CLSTN2: variants seen among roughly 807,000 people sequenced by gnomAD.
The protein encoded by CLSTN2 is calsyntenin-2.
CLSTN2 carries 48 observed loss-of-function variants against 101.2 expected under a neutral mutation model. That is an observed-to-expected ratio of 0.47 (90% CI 0.38 to 0.60). The LOEUF (loss-of-function observed/expected upper bound fraction) is 0.60. CLSTN2 is among the 20% of genes least tolerant of loss of function. The probability of loss-of-function intolerance (pLI) is 0.00; values close to 1 mark genes in which losing one functional copy is unlikely to be tolerated. For missense variants in CLSTN2, 1,160 were observed against 1,238.2 expected (o/e 0.94, Z 0.95); for synonymous variants, 481 against 463.6 (o/e 1.04, Z -0.48).
At chr3:140,031,597 G>A (rs1413069214) in intron 1 of CLSTN2, among the ~76,000 whole-genome samples, 1 of 152,206 alleles carries the variant, frequency 6.6e-6, no homozygotes, top group East Asian at 1.9e-4. Flanking sequence ...ATACATCCTA[G>A]TTTTCTCCTT....
chr3:140,510,330 G>A (rs1307806750), intron 8 of CLSTN2, among the ~76,000 whole-genome samples: 2 of 152,168 alleles, frequency 1.3e-5, no homozygotes, highest in Non-Finnish European at 2.9e-5. Context: ...CACTGCTTAA[G>A]GGCAGTGGTG....
intron 9 of CLSTN2, among the ~76,000 whole-genome samples, chr3:140,539,417 A>C (rs180746204): frequency 6.6e-6 from 1 of 152,316 alleles, no homozygotes; most frequent in Admixed American, 6.5e-5. Flanking sequence ...AATCAAGTTT[A>C]AAGTTCAGTG....
chr3:140,246,114 A>AT (rs751995214), intron 2 of CLSTN2, among the ~76,000 whole-genome samples: 2 of 152,184 alleles, frequency 1.3e-5, no homozygotes, highest in African/African-American at 2.4e-5. Flanking sequence ...ACTTTAGCTT[A>AT]TTTATGAACC....
intron 2 of CLSTN2, among the ~76,000 whole-genome samples, chr3:140,308,789 A>G (rs1337930501): frequency 6.6e-6 from 1 of 152,230 alleles, no homozygotes; most frequent in Non-Finnish European, 1.5e-5. Context: ...TAAGTCATCC[A>G]GTATTCTGAG....
At chr3:140,414,784 A>G (rs1192822346) in intron 4 of CLSTN2, among the ~76,000 whole-genome samples, 1 of 152,118 alleles carries the variant, frequency 6.6e-6, no homozygotes, top group East Asian at 1.9e-4. Context: ...TGCAATCTCT[A>G]TCAAAATTAC....
intron 8 of CLSTN2, among the ~76,000 whole-genome samples, chr3:140,518,224 G>A (rs893674365): frequency 2.6e-5 from 4 of 152,204 alleles, no homozygotes; most frequent in Admixed American, 6.5e-5. Flanking sequence ...CTACCAGCCT[G>A]CCAGCTGAGA....
chr3:140,020,484 C>T (rs1170907305), intron 1 of CLSTN2, among the ~76,000 whole-genome samples: 2 of 152,208 alleles, frequency 1.3e-5, no homozygotes, highest in East Asian at 1.9e-4. Context: ...TCTTTCTACC[C>T]CTGCAACAGC....
chr3:140,206,458 C>T (rs2010783768), intron 2 of CLSTN2, among the ~76,000 whole-genome samples: 1 of 152,180 alleles, frequency 6.6e-6, no homozygotes, highest in Admixed American at 6.5e-5. Flanking sequence ...AATCACAGCC[C>T]CAGCCAGCAG....
chr3:139,963,809 T>A (rs1935550435), intron 1 of CLSTN2, among the ~76,000 whole-genome samples: 1 of 152,208 alleles, frequency 6.6e-6, no homozygotes, highest in South Asian at 2.1e-4. Flanking sequence ...CAGTATAGCT[T>A]GTTAGGGAGC....
chr3:140,321,486 GT>G (rs1457872511), intron 2 of CLSTN2, among the ~76,000 whole-genome samples: 1 of 152,166 alleles, frequency 6.6e-6, no homozygotes, highest in African/African-American at 2.4e-5. Context: ...ACACCCTCAG[GT>G]GTGGATTCAT....
intron 1 of CLSTN2, among the ~76,000 whole-genome samples, chr3:140,036,179 T>C (rs2007648844): frequency 6.6e-6 from 1 of 152,226 alleles, no homozygotes; most frequent in Admixed American, 6.5e-5. Context: ...GATTCAGTAC[T>C]ATCTGTAAGC....
intron 5 of CLSTN2, among the ~76,000 whole-genome samples, chr3:140,443,656 GC>G (rs1381522216): frequency 5.3e-5 from 8 of 152,126 alleles, no homozygotes; most frequent in African/African-American, 1.9e-4. Flanking sequence ...TAGTCTCTAG[GC>G]CCCTTATAAA....
At chr3:140,369,131 A>C (rs556456989) in intron 2 of CLSTN2, among the ~76,000 whole-genome samples, 1 of 152,300 alleles carries the variant, frequency 6.6e-6, no homozygotes, top group Middle Eastern at 3.4e-3. Flanking sequence ...GCTTGTTTTT[A>C]AATAAATAAA....
chr3:140,546,645 C>CATTA lies in CLSTN2; in HGVS notation c.1642_1645dup (p.Ser549Ter). ...TGCAGGCCTGCAAGGAAGGGCTGGA[C>CATTA]ATTAATTCCTTGGAAAGCCTTGGCC... On this transcript the variant is annotated frameshift_variant, in exon 10 of 17. Coordinates refer to ENST00000458420, the MANE Select transcript of CLSTN2 (RefSeq NM_022131.3). LOFTEE classifies it high-confidence loss of function. 6.2e-7 allele frequency: 1 copy of CATTA among 1,613,630 alleles called. No homozygotes were observed. Among genetic ancestry groups the CATTA allele is most frequent in the Non-Finnish European group, 8.5e-7 (1 of 1,179,892 alleles).
chr3:140,061,810 T>C (rs1462410795), intron 1 of CLSTN2, among the ~76,000 whole-genome samples: 8 of 152,232 alleles, frequency 5.3e-5, no homozygotes, highest in African/African-American at 1.9e-4. Flanking sequence ...CATGTGCTGC[T>C]TTCTATGCTT....
chr3:139,940,938 TGGTGTGATCTG>T (rs918899140), intron 1 of CLSTN2, among the ~76,000 whole-genome samples: 1 of 152,126 alleles, frequency 6.6e-6, no homozygotes, highest in African/African-American at 2.4e-5. Flanking sequence ...AGAGCTTATG[TGGTGTGATCTG>T]GGTTGTAAGG....
At chr3:140,426,073 G>A (rs549760212) in intron 5 of CLSTN2, among the ~76,000 whole-genome samples, 1 of 152,314 alleles carries the variant, frequency 6.6e-6, no homozygotes, top group East Asian at 1.9e-4. Flanking sequence ...TGACAGGCTT[G>A]CATCCTGCCT....
chr3:140,206,765 A>G (rs1183164804), intron 2 of CLSTN2, among the ~76,000 whole-genome samples: 1 of 152,186 alleles, frequency 6.6e-6, no homozygotes, highest in Non-Finnish European at 1.5e-5. Flanking sequence ...GCCCTGTTAG[A>G]ATCTCTGGGT....
At chr3:140,021,923 C>T (rs1404079007) in intron 1 of CLSTN2, among the ~76,000 whole-genome samples, 1 of 152,130 alleles carries the variant, frequency 6.6e-6, no homozygotes, top group Non-Finnish European at 1.5e-5. Context: ...GGACAAAGGC[C>T]AGAGTGGGTA....
Sources: gnomAD v4.1 joint callset for allele counts (sites outside exome capture counted in the v4.1 genomes callset) on GRCh38, gnomAD v4.1.1 for gene constraint, MANE v1.5 for transcripts, NCBI Gene and HGNC (gene_info 2026-07-23, HGNC 2026-07-21) for gene names.